INPP5F: variants seen among roughly 807,000 people sequenced by gnomAD.
The protein encoded by INPP5F is phosphatidylinositide 4-phosphatase SAC2.
Under a neutral mutation model 137.2 loss-of-function variants are expected in INPP5F, and 97 were observed. The ratio of observed to expected loss-of-function variants is 0.71; its 90% CI spans 0.60 to 0.84. INPP5F has a LOEUF of 0.84. Ranked by LOEUF, INPP5F falls within the 40% of genes least tolerant of loss-of-function variation. The probability of loss-of-function intolerance (pLI) is 0.00; values close to 1 mark genes in which losing one functional copy is unlikely to be tolerated. For missense variants in INPP5F, 1,271 were observed against 1,371.9 expected, an observed-to-expected ratio of 0.93 and a Z score of 1.16; for synonymous variants, 504 against 476.9, an observed-to-expected ratio of 1.06 and a Z score of -0.74.
intron 3 of INPP5F, among the ~76,000 whole-genome samples, chr10:119,785,284 C>CTTTTTTTTTTTTTTTTTTTTTTT (rs1440327192): frequency 1.2e-5 from 1 of 81,606 alleles, no homozygotes; most frequent in African/African-American, 4.3e-5. Context: ...AACTGCCAGA[C>CTTTTTTTTTTTTTTTTTTTTTTT]TGTTTTTTTT....
intron 2 of INPP5F, among the ~76,000 whole-genome samples, chr10:119,769,185 A>G (rs1849264385): frequency 6.6e-6 from 1 of 152,232 alleles, no homozygotes; most frequent in Non-Finnish European, 1.5e-5. Context: ...GATTAAATGT[A>G]TATCTTTTCT....
intron 1 of INPP5F, among the ~76,000 whole-genome samples, chr10:119,729,421 A>G (rs55906159): frequency 3.1e-4 from 47 of 152,258 alleles, no homozygotes; most frequent in Admixed American, 8.5e-4. Context: ...TACTGGGATT[A>G]TAGGCTTGAC....
chr10:119,768,648 T>A (rs1849247513), intron 2 of INPP5F: 1 of 152,288 alleles, frequency 6.6e-6, no homozygotes, highest in South Asian at 2.1e-4. Flanking sequence ...GGGTGCTCTC[T>A]GTTTCACCAT....
At chr10:119,769,482 A>T (rs1285755384) in intron 2 of INPP5F, among the ~76,000 whole-genome samples, 2 of 152,116 alleles carry the variant, frequency 1.3e-5, no homozygotes, top group Admixed American at 1.3e-4. Flanking sequence ...ATGCCCAGAA[A>T]GCTGGTACAA....
At chr10:119,759,099 G>C (rs1248197574) in intron 2 of INPP5F, among the ~76,000 whole-genome samples, 1 of 152,230 alleles carries the variant, frequency 6.6e-6, no homozygotes, top group Non-Finnish European at 1.5e-5. Context: ...TGGAGGCTGG[G>C]TCATGGGACA....
chr10:119,827,115 G>C lies in INPP5F; in HGVS notation c.2734G>C (p.Asp912His), dbSNP rs1851793882. The change falls in exon 20 of 20, where the codon GAT (aspartate) becomes CAT (histidine). Residue 912 changes from aspartate (D) to histidine (H), a missense_variant. Asp to His is a moderately conservative substitution (Grantham distance 81). Transcript: ENST00000650623. ...TCGGTCCCAGTCTCTTAGCAGCACA[G>C]ATAGTAGCGTTCATGCTCCTTCAGA... Reference protein sequence around the residue: ...GSRSQSLSSTDSSVHAPSEIT... With the variant: ...GSRSQSLSSTHSSVHAPSEIT... 2 of 1,614,076 alleles carry C rather than the reference G, an allele frequency of 1.2e-6. No individual in the cohort carries two copies. The highest frequency in any genetic ancestry group is 2.2e-5 in the South Asian group (2 of 91,088).
At chr10:119,766,206 C>G (rs1235444504) in intron 2 of INPP5F, among the ~76,000 whole-genome samples, 1 of 152,062 alleles carries the variant, frequency 6.6e-6, no homozygotes, top group Non-Finnish European at 1.5e-5. Context: ...CTATTCTGGC[C>G]CTCAGTGGAT....
intron 17 of INPP5F, among the ~76,000 whole-genome samples, 168 bp from the exon 18 acceptor site, chr10:119,822,903 A>T (rs1368206013): frequency 2.6e-5 from 4 of 152,236 alleles, no homozygotes; most frequent in African/African-American, 9.6e-5. Flanking sequence ...AAATGATTGA[A>T]ATTGAAAGAG....
intron 15 of INPP5F, chr10:119,819,006 C>T (rs979931813): frequency 6.6e-6 from 1 of 152,424 alleles, no homozygotes; most frequent in African/African-American, 2.4e-5. Context: ...ATGTTGATGT[C>T]CCCTGAAGAC....
At chr10:119,801,200 C>T (rs994649396) in intron 9 of INPP5F, among the ~76,000 whole-genome samples, 1 of 152,120 alleles carries the variant, frequency 6.6e-6, no homozygotes, top group Non-Finnish European at 1.5e-5. Context: ...GGTAGATCCA[C>T]GTGTACTAAT....
intron 1 of INPP5F, among the ~76,000 whole-genome samples, chr10:119,729,602 G>A (rs1237471875): frequency 1.4e-5 from 2 of 147,888 alleles, no homozygotes; most frequent in Non-Finnish European, 3.0e-5. Context: ...TCTGAGACAG[G>A]GTCTTGCTCT....
Position 119,797,680 on chromosome 10 carries a change from A to G in INPP5F, c.1048+40A>G, listed in dbSNP as rs543118841. On this transcript the variant is annotated intron_variant, in intron 8 of 19. Coordinates refer to ENST00000650623, the MANE Select transcript of INPP5F (RefSeq NM_014937.4). ...TATTGGGTTTGCAAATGATGATTTC[A>G]GAGAGAATAGTTTTTAAGAAATTAG... is the stretch of plus-strand genomic sequence containing the variant. 2.0e-5 allele frequency: 30 copies of G among 1,482,738 alleles called. 1 individual carries two copies. The South Asian group carries it at 3.8e-4, about 19-fold the overall frequency. 91.8% of individuals were successfully genotyped at this position (1,482,738 alleles called of 1,614,324 possible). A position where few individuals can be genotyped will look rare whatever the true frequency, so the allele number is the denominator to read the frequency against.
At chr10:119,732,504 T>C (rs952114862) in intron 1 of INPP5F, among the ~76,000 whole-genome samples, 6 of 145,962 alleles carry the variant, frequency 4.1e-5, no homozygotes, top group Non-Finnish European at 7.6e-5. Context: ...TTTTTTCTTT[T>C]TTTTTTTTTT....
intron 15 of INPP5F, among the ~76,000 whole-genome samples, chr10:119,813,628 AAAAAC>A (rs1302996429): frequency 3.9e-5 from 6 of 152,186 alleles, no homozygotes; most frequent in Middle Eastern, 3.2e-3. Context: ...CTGTCTCAAA[AAAAAC>A]AAAACAAAAC....
chr10:119,818,584 C>G (rs950932469), intron 15 of INPP5F: 1 of 152,478 alleles, frequency 6.6e-6, no homozygotes, highest in Admixed American at 6.5e-5. Flanking sequence ...GGTCTGTGCC[C>G]TCGTTGGTAG....
At chr10:119,784,018 C>T (rs1286307236) in intron 3 of INPP5F, among the ~76,000 whole-genome samples, 8 of 152,110 alleles carry the variant, frequency 5.3e-5, no homozygotes, top group African/African-American at 1.9e-4. Context: ...TTTTTTCTTT[C>T]CTTTTAATCC....
At chr10:119,810,320 C>G (rs1453095046) in intron 14 of INPP5F, 103 bp downstream of exon 14, 4 of 625,050 alleles carry the variant, frequency 6.4e-6, no homozygotes, top group Non-Finnish European at 1.1e-5. Flanking sequence ...TTGTAATATA[C>G]TTGTGTTTCT....
rs986245396 is a variant in INPP5F at position 119,782,257 on chromosome 10, T to C, written c.315+486T>C. Reference sequence around the variant, plus strand: ...TCACTCATCTAATGTAATCTCTTTATTTTCCAGAGAAGAGCTCAAGTCCAC... The same window carrying C: ...TCACTCATCTAATGTAATCTCTTTACTTTCCAGAGAAGAGCTCAAGTCCAC... On this transcript the variant is annotated intron_variant, in intron 3 of 19. Coordinates refer to ENST00000650623, the MANE Select transcript of INPP5F (RefSeq NM_014937.4). 1.9e-4 allele frequency among the ~76,000 whole-genome samples: 29 copies of C among 152,250 alleles called. No individual in the cohort carries two copies. The East Asian group carries it at 2.1e-3, about 11-fold the overall frequency.
chr10:119,747,098 C>G (rs1848557663), intron 1 of INPP5F, among the ~76,000 whole-genome samples: 1 of 151,814 alleles, frequency 6.6e-6, no homozygotes, highest in South Asian at 2.1e-4. Flanking sequence ...CATAAGCAGC[C>G]AATTTTATAA....
Sources: allele counts gnomAD v4.1 joint callset (sites outside exome capture counted in the v4.1 genomes callset), GRCh38; gene constraint gnomAD v4.1.1; transcripts MANE v1.5; gene names NCBI Gene and HGNC (gene_info 2026-07-23, HGNC 2026-07-21).